Variants in HPSE2 observed in about 807,000 individuals in gnomAD.
HPSE2 encodes heparanase 2 (inactive), also known as inactive heparanase-2.
A neutral mutation model predicts 60.5 loss-of-function variants in HPSE2; 38 were observed. The ratio of observed to expected loss-of-function variants is 0.63; its 90% CI spans 0.48 to 0.82. The LOEUF is 0.82. Among genes scored for constraint, HPSE2 ranks in the 40% least tolerant of loss-of-function variants. HPSE2 has a pLI of 0.00. For synonymous variants in HPSE2, 295 were observed against 293.2 expected, an observed-to-expected ratio of 1.01 and a Z score of -0.06; for missense variants, 713 against 740.4, an observed-to-expected ratio of 0.96 and a Z score of 0.43.
intron 7 of HPSE2, among the ~76,000 whole-genome samples, chr10:98,630,462 G>A (rs750143385): frequency 2.6e-5 from 4 of 152,060 alleles, no homozygotes; most frequent in Admixed American, 6.5e-5. Context: ...CTCCCAAAGT[G>A]CTGGGATTAC....
At chr10:99,105,711 G>A (rs1844218647) in intron 3 of HPSE2, among the ~76,000 whole-genome samples, 1 of 151,854 alleles carries the variant, frequency 6.6e-6, no homozygotes, top group Non-Finnish European at 1.5e-5. Context: ...CCAAGAACAT[G>A]AGAACTTTCT....
intron 9 of HPSE2, among the ~76,000 whole-genome samples, chr10:98,506,245 T>G (rs1266694315): frequency 6.6e-6 from 1 of 152,218 alleles, no homozygotes; most frequent in Admixed American, 6.5e-5. Context: ...TGGTCCTAGA[T>G]CTTTTATAAT....
intron 11 of HPSE2, among the ~76,000 whole-genome samples, chr10:98,468,025 C>T (rs1940620723): frequency 1.3e-5 from 2 of 152,232 alleles, no homozygotes; most frequent in Non-Finnish European, 1.5e-5. Flanking sequence ...CCAGTCGGGT[C>T]GGCCCCGCAC....
Position 99,126,529 on chromosome 10 carries a change from G to A in HPSE2, c.610+17709C>T, listed in dbSNP as rs1845170455. Among the ~76,000 whole-genome samples, 1 of 152,032 alleles carries A rather than the reference G, an allele frequency of 6.6e-6. No homozygotes were observed. The highest frequency in any genetic ancestry group is 1.5e-5 in the Non-Finnish European group (1 of 68,014). On this transcript the variant is annotated intron_variant, in intron 3 of 11. Transcript: ENST00000370552. The surrounding 1 kb of genome is among the most constrained non-coding windows in gnomAD (Gnocchi z 4.0). Reference sequence around the variant, plus strand: ...TTGAAAGTGCCACCTTCTGGCTGGAGGTCAACCAACTCAGGCCATTACAAC... The same window carrying A: ...TTGAAAGTGCCACCTTCTGGCTGGAAGTCAACCAACTCAGGCCATTACAAC...
intron 3 of HPSE2, among the ~76,000 whole-genome samples, chr10:98,905,075 A>C (rs1408079755): frequency 6.6e-6 from 1 of 152,208 alleles, no homozygotes; most frequent in Non-Finnish European, 1.5e-5. Flanking sequence ...AAAATAGAGA[A>C]CACAGAAAAC....
chr10:99,294,283 T>A, the HPSE2 span, among the ~76,000 whole-genome samples: 1 of 149,874 alleles, frequency 6.7e-6, no homozygotes, highest in African/African-American at 2.4e-5. Flanking sequence ...TGTACACATA[T>A]ATATATAGAG....
At chr10:99,140,361 G>C (rs1845823898) in intron 3 of HPSE2, among the ~76,000 whole-genome samples, 1 of 152,192 alleles carries the variant, frequency 6.6e-6, no homozygotes, top group South Asian at 2.1e-4. Flanking sequence ...AAAGTGTCTT[G>C]TGTAATGCCA....
At chr10:98,566,379 CT>C (rs1944345415) in intron 9 of HPSE2, among the ~76,000 whole-genome samples, 1 of 152,270 alleles carries the variant, frequency 6.6e-6, no homozygotes, top group African/African-American at 2.4e-5. Context: ...AAGGCAAAGC[CT>C]ACCACAAGGG....
the HPSE2 span, among the ~76,000 whole-genome samples, chr10:99,254,271 T>TG: frequency 2.6e-5 from 4 of 152,098 alleles, no homozygotes; most frequent in African/African-American, 9.7e-5. Context: ...ACAACATAGA[T>TG]GCAGCTGTGA....
At chr10:98,475,954 C>T (rs1276163391) in intron 11 of HPSE2, among the ~76,000 whole-genome samples, 1 of 151,868 alleles carries the variant, frequency 6.6e-6, no homozygotes, top group African/African-American at 2.4e-5. Flanking sequence ...ACCATTTGAC[C>T]CAGCCATCCC....
intron 7 of HPSE2, among the ~76,000 whole-genome samples, chr10:98,633,205 T>C (rs1589541179): frequency 6.6e-6 from 1 of 152,298 alleles, no homozygotes; most frequent in East Asian, 1.9e-4. Context: ...TTTTATTCCC[T>C]TTTTATTTTT....
chr10:98,570,989 G>C (rs191874346), intron 9 of HPSE2, among the ~76,000 whole-genome samples: 83 of 152,246 alleles, frequency 5.5e-4, no homozygotes, highest in Middle Eastern at 3.4e-3. Flanking sequence ...GTCTCGCTGA[G>C]GGCAGTGGGA....
chr10:99,276,665 T>C, the HPSE2 span, among the ~76,000 whole-genome samples: 1 of 152,128 alleles, frequency 6.6e-6, no homozygotes, highest in Non-Finnish European at 1.5e-5. Context: ...CTATTAGTAA[T>C]AGCAGACAAG....
intron 3 of HPSE2, among the ~76,000 whole-genome samples, chr10:99,107,778 T>C (rs1844305553): frequency 6.6e-6 from 1 of 152,184 alleles, no homozygotes; most frequent in African/African-American, 2.4e-5. Flanking sequence ...AACTTCTAGA[T>C]GAACATTCAA....
intron 3 of HPSE2, among the ~76,000 whole-genome samples, chr10:98,781,364 C>A (rs1190193262): frequency 7.8e-6 from 1 of 128,784 alleles, no homozygotes; most frequent in Non-Finnish European, 1.6e-5. Context: ...TGAAAAAGAA[C>A]TGAACACTGA....
chr10:98,476,377 C>T (rs376937047), intron 11 of HPSE2, among the ~76,000 whole-genome samples: 9 of 145,956 alleles, frequency 6.2e-5, no homozygotes, highest in East Asian at 2.0e-4. Flanking sequence ...TGCTAAATGA[C>T]GAGTTAATGG....
At chr10:98,529,453 C>T (rs1943068509) in intron 9 of HPSE2, among the ~76,000 whole-genome samples, 1 of 152,130 alleles carries the variant, frequency 6.6e-6, no homozygotes, top group Admixed American at 6.6e-5. Flanking sequence ...CCATCTTCTC[C>T]ATTTTTGTAC....
intron 3 of HPSE2, among the ~76,000 whole-genome samples, chr10:99,002,897 A>G (rs1956807868): frequency 6.6e-6 from 1 of 152,052 alleles, no homozygotes; most frequent in Admixed American, 6.6e-5. Context: ...TTGTGATGAG[A>G]ACACTTAAAA....
intron 9 of HPSE2, among the ~76,000 whole-genome samples, chr10:98,534,784 G>A (rs1943232185): frequency 6.6e-6 from 1 of 152,132 alleles, no homozygotes; most frequent in African/African-American, 2.4e-5. Flanking sequence ...GATTAGTGAT[G>A]GATAAGGTAC....
Sources: gnomAD v4.1 joint callset for allele counts (sites outside exome capture counted in the v4.1 genomes callset) on GRCh38, gnomAD v4.1.1 for gene constraint, Gnocchi (gnomAD v3.1) non-coding constraint, MANE v1.5 for transcripts, NCBI Gene and HGNC (gene_info 2026-07-23, HGNC 2026-07-21) for gene names.